The following TOPBP1 variants were observed in gnomAD, a reference collection of about 807,000 sequenced individuals.
TOPBP1 encodes the protein DNA topoisomerase II binding protein 1.
Under a neutral mutation model 167.7 loss-of-function variants are expected in TOPBP1, and 28 were observed. That is an observed-to-expected ratio of 0.17 (90% CI 0.12 to 0.23). The LOEUF (loss-of-function observed/expected upper bound fraction) is 0.23. Among genes scored for constraint, TOPBP1 ranks in the 10% least tolerant of loss-of-function variants. The pLI, the probability that TOPBP1 is intolerant of heterozygous loss-of-function variation, is 1.00. For missense variants in TOPBP1, 1,554 were observed against 1,809.6 expected (o/e 0.86, Z 2.56); for synonymous variants, 598 against 611.4 (o/e 0.98, Z 0.32).
At position 133,644,071 on chromosome 3, in the gene TOPBP1, C is replaced by T. The variant is rs535298288; in HGVS notation, c.1797G>A (p.Leu599=). The change falls in exon 11 of 28, where the codon CTG becomes CTA. Residue 599 remains leucine (L), a synonymous_variant. Coordinates refer to ENST00000260810, the MANE Select transcript of TOPBP1 (RefSeq NM_007027.4). ...CCACAGTGGCTTCCACTTCACACCC[C>T]AGCAGAGGAACCACAGCATAATCCG... ...TVADYAVVPL[L]GCEVEATVGE... is the part of the protein sequence containing the mutation. 1.9e-6 allele frequency: 3 copies of T among 1,613,482 alleles called. No individual in the cohort carries two copies. Among genetic ancestry groups the T allele is most frequent in the African/African-American group, 1.3e-5 (1 of 75,032 alleles).
chr3:133,635,473 C>T (rs1443782241), intron 14 of TOPBP1, among the ~76,000 whole-genome samples: 3 of 152,102 alleles, frequency 2.0e-5, no homozygotes, highest in Non-Finnish European at 2.9e-5. Context: ...CTAGACTGGT[C>T]CAGAACTCCT....
intron 27 of TOPBP1, among the ~76,000 whole-genome samples, chr3:133,604,237 C>T (rs1934415063): frequency 6.6e-6 from 1 of 151,706 alleles, no homozygotes; most frequent in African/African-American, 2.4e-5. Context: ...CAGGTTCAAG[C>T]GATTCTCCTG....
chr3:133,647,047 A>G (rs76299719), intron 10 of TOPBP1, among the ~76,000 whole-genome samples: 4,160 of 152,300 alleles, frequency 0.027, 95 homozygotes, highest in Non-Finnish European at 0.044. Context: ...TTGGTTTCAT[A>G]AAACTTAGAG....
Position 133,623,387 on chromosome 3 carries a change from T to A in TOPBP1, c.2999A>T (p.Asp1000Val). The change falls in exon 18 of 28, where the codon GAT becomes GTT. Residue 1000 changes from aspartate (D) to valine (V), a missense_variant. By Grantham distance (152) the Asp-to-Val change is radical. Coordinates refer to ENST00000260810, the MANE Select transcript of TOPBP1 (RefSeq NM_007027.4). ...CCGGCCATCTTGCACTGCGCTGATA[T>A]CCAAGCTCATTTTGGGATTATAAGT... is the stretch of plus-strand genomic sequence containing the variant. ...PHTYNPKMSL[D>V]ISAVQDGRLC... 1 of 1,613,432 alleles carries A rather than the reference T, an allele frequency of 6.2e-7. No homozygotes were observed. The highest frequency in any genetic ancestry group is 8.5e-7 in the Non-Finnish European group (1 of 1,179,632).
At chr3:133,641,628 A>G (rs1935892542) in intron 12 of TOPBP1, among the ~76,000 whole-genome samples, 3 of 152,232 alleles carry the variant, frequency 2.0e-5, no homozygotes, top group Admixed American at 2.0e-4. Flanking sequence ...TGCTAGGATT[A>G]CAGGCATGAA....
chr3:133,636,552 T>C (rs1395799466), intron 14 of TOPBP1, among the ~76,000 whole-genome samples: 1 of 152,196 alleles, frequency 6.6e-6, no homozygotes, highest in East Asian at 1.9e-4. Context: ...AAATCTTTAA[T>C]GTGTTTTTTG....
At chr3:133,607,328 A>G (rs539421019) in intron 27 of TOPBP1, among the ~76,000 whole-genome samples, 3 of 152,146 alleles carry the variant, frequency 2.0e-5, no homozygotes, top group Admixed American at 6.5e-5. Context: ...AAATCCCTGT[A>G]TATTTTTAGT....
intron 4 of TOPBP1, among the ~76,000 whole-genome samples, chr3:133,657,397 T>C (rs1280343616): frequency 1.5e-5 from 2 of 129,878 alleles, no homozygotes; most frequent in Non-Finnish European, 3.3e-5. Context: ...TTTTTTTTTT[T>C]CCAAAACGAA....
rs1936370795 is a variant in TOPBP1, at chr3:133,653,510, A to G, written c.757T>C (p.Cys253Arg). The G allele has an allele frequency of 6.3e-7, 1 of 1,590,016 alleles. No individual in the cohort carries two copies. The highest frequency in any genetic ancestry group is 8.5e-7 in the Non-Finnish European group (1 of 1,171,216). ...VQEPKGQKYE[C>R]AKRWNVHCVT... The stretch of plus-strand genomic sequence containing the variant: ...CAGTGTACATTCCATCTCTTGGCAC[A>G]CTCATACTTCTGACCTGTGGCGTTC... The change falls in exon 7 of 28, where the codon TGT becomes CGT. Residue 253 changes from cysteine to arginine, a missense_variant. By Grantham distance (180) the Cys-to-Arg change is radical. Coordinates refer to ENST00000260810, the MANE Select transcript of TOPBP1 (RefSeq NM_007027.4).
chr3:133,650,820 A>T (rs1317403096), intron 8 of TOPBP1, among the ~76,000 whole-genome samples: 1 of 152,094 alleles, frequency 6.6e-6, no homozygotes, highest in Non-Finnish European at 1.5e-5. Context: ...CATACAAAAC[A>T]CCTCTGAGCC....
intron 5 of TOPBP1, 145 bp from the exon 6 acceptor site, chr3:133,655,631 C>T (rs1288644963): frequency 4.4e-6 from 2 of 453,074 alleles, no homozygotes; most frequent in East Asian, 3.6e-5. Flanking sequence ...AACAGAATTA[C>T]ACTAATTGTT....
intron 24 of TOPBP1, among the ~76,000 whole-genome samples, chr3:133,611,706 A>C (rs1331531257): frequency 6.6e-6 from 1 of 152,174 alleles, no homozygotes; most frequent in East Asian, 1.9e-4. Context: ...AACTGGCCAT[A>C]TTTGGTTATT....
chr3:133,612,584 T>G (rs546538033), intron 23 of TOPBP1, 32 bp from the exon 24 acceptor site: 4 of 1,557,498 alleles, frequency 2.6e-6, no homozygotes, highest in Non-Finnish European at 2.6e-6. Flanking sequence ...TGTACTTTAT[T>G]GATTCCCAAC....
At position 133,644,329 on chromosome 3, in the gene TOPBP1, A is replaced by C; in HGVS notation, c.1539T>G (p.Asn513Lys). The change falls in exon 11 of 28, where the codon AAT becomes AAG. Residue 513 changes from asparagine to lysine, a missense_variant. By Grantham distance (94) the Asn-to-Lys change is moderately conservative. Around this residue, in one of 3 missense-constraint regions of TOPBP1, gnomAD observed 1,197 missense variants for 1,351.5 expected, o/e 0.89. Coordinates refer to ENST00000260810, the MANE Select transcript of TOPBP1 (RefSeq NM_007027.4). Reference protein sequence around the residue: ...EAKTSEARPFNDSTHAEPLND... With the variant: ...EAKTSEARPFKDSTHAEPLND... ...TCAAGGGCTCAGCATGAGTAGAATC[A>C]TTAAAGGGCCTGGCTTCAGACGTCT... The C allele has an allele frequency of 6.3e-7, 1 of 1,594,518 alleles. No homozygotes were observed. The highest frequency in any genetic ancestry group is 8.5e-7 in the Non-Finnish European group (1 of 1,171,888).
rs1935727947 is a variant in TOPBP1 at position 133,637,795 on chromosome 3, C to T, written c.2520+81G>A. ...CTCTGGAAAATTTATTACTACACTT[C>T]AGAGGTGATGCCAAATTTGGTGCTT... On this transcript the variant is annotated intron_variant, in intron 14 of 27. Transcript: ENST00000260810. The T allele has an allele frequency of 5.4e-6, 8 of 1,472,452 alleles. No individual in the cohort carries two copies. The South Asian group carries it at 1.0e-4, about 19-fold the overall frequency. 91.2% of individuals were successfully genotyped at this position (1,472,452 alleles called of 1,614,324 possible).
chr3:133,628,380 G>A lies in TOPBP1; in HGVS notation c.2786C>T (p.Ser929Phe), dbSNP rs1935338453. 6.2e-7 allele frequency: 1 copy of A among 1,602,804 alleles called. No homozygotes were observed. Among genetic ancestry groups the A allele is most frequent in the Non-Finnish European group, 8.5e-7 (1 of 1,174,098 alleles). The change falls in exon 16 of 28, where the codon TCT (serine) becomes TTT (phenylalanine). Residue 929 changes from serine to phenylalanine, a missense_variant. Ser to Phe is a radical substitution (Grantham distance 155). Transcript: ENST00000260810. ...CAACTACCTGTAATCTGCTCCTAGAGAGGCTGCGATCCCATTTAGTTCACT... is the reference window on the plus strand; with the variant it reads ...CAACTACCTGTAATCTGCTCCTAGAAAGGCTGCGATCCCATTTAGTTCACT... ...KQSELNGIAA[S>F]LGADYRWSFD...
At chr3:133,638,290 T>G (rs1935748942) in intron 13 of TOPBP1, 128 bp from the exon 14 acceptor site, 1 of 880,142 alleles carries the variant, frequency 1.1e-6, no homozygotes, top group Admixed American at 2.9e-5. Context: ...GCTCAAGAGA[T>G]CCATCTACCT....
At chr3:133,629,531 A>T (rs1935391791) in intron 14 of TOPBP1, among the ~76,000 whole-genome samples, 4 of 152,192 alleles carry the variant, frequency 2.6e-5, no homozygotes, top group African/African-American at 9.7e-5. Context: ...TTTTGAGACG[A>T]GTCTGGGAAA....
chr3:133,613,940 C>A (rs963420225), intron 23 of TOPBP1, among the ~76,000 whole-genome samples: 15 of 151,798 alleles, frequency 9.9e-5, no homozygotes, highest in African/African-American at 3.6e-4. Flanking sequence ...TTACAGGTGC[C>A]CGCCACCACA....
Sources: gnomAD v4.1 joint callset for allele counts (sites outside exome capture counted in the v4.1 genomes callset) on GRCh38, gnomAD v4.1.1 for gene constraint, gnomAD v4.1.1 regional missense constraint, MANE v1.5 for transcripts, NCBI Gene and HGNC (gene_info 2026-07-23, HGNC 2026-07-21) for gene names.